GATM: variants seen among roughly 807,000 people sequenced by gnomAD.
GATM encodes the protein glycine amidinotransferase, mitochondrial.
A neutral mutation model predicts 54.2 loss-of-function variants in GATM; 23 were observed. The observed-to-expected ratio is 0.42, with a 90% confidence interval of 0.31 to 0.60. The LOEUF is 0.60. GATM is among the 20% of genes least tolerant of loss of function. The pLI is 0.14. For missense variants in GATM, 401 were observed against 544.9 expected (o/e 0.74, Z 2.63); for synonymous variants, 168 against 183.1 (o/e 0.92, Z 0.67).
In GATM at chr15:45,368,322, C is replaced by CT; in HGVS notation, c.485-63dup. ...TGTTAATTTCCAAGACAAAAAAGGT[C>CT]TATATAGGGCCAGGCACAGTGGCTC... On this transcript the variant is annotated intron_variant, in intron 3 of 8. Transcript: ENST00000396659. This position sits in a 1 kb window ranked among gnomAD's most constrained non-coding sequence, Gnocchi z 5.1. The CT allele has an allele frequency of 6.9e-7, 1 of 1,447,064 alleles. No individual in the cohort carries two copies. Among genetic ancestry groups the CT allele is most frequent in the East Asian group, 2.3e-5 (1 of 43,688 alleles). 89.6% of individuals were successfully genotyped at this position (1,447,064 alleles called of 1,614,324 possible).
intron 1 of GATM, 198 bp from the exon 2 acceptor site, chr15:45,377,017 C>CA (rs1889649896): frequency 4.8e-6 from 3 of 624,684 alleles, no homozygotes; most frequent in Non-Finnish European, 8.6e-6. Flanking sequence ...TGTTTATCTA[C>CA]AAATTGTCTT....
At chr15:45,392,940 C>T (rs1346907120) in intron 3 of GATM, among the ~76,000 whole-genome samples, 1 of 152,154 alleles carries the variant, frequency 6.6e-6, no homozygotes, top group Admixed American at 6.5e-5. Flanking sequence ...ATAGAACAAT[C>T]TCTAGCCAAG....
At chr15:45,389,493 A>C (rs1296928699) in intron 3 of GATM, among the ~76,000 whole-genome samples, 2 of 152,116 alleles carry the variant, frequency 1.3e-5, no homozygotes, top group East Asian at 3.9e-4. Flanking sequence ...GCCCAGGCTG[A>C]AGTGCAGTGG....
chr15:45,377,501 G>A (rs900644609), intron 1 of GATM: 9 of 331,716 alleles, frequency 2.7e-5, no homozygotes, highest in Non-Finnish European at 5.3e-5. Context: ...CAAATAAGAA[G>A]GAGATCTAAA....
Position 45,362,148 on chromosome 15 carries a change from A to T in GATM, c.1233T>A (p.Asp411Glu), listed in dbSNP as rs1213577036. Residue 411 changes from aspartate to glutamate, a missense_variant, in exon 9 of 9, where the codon GAT (aspartate) becomes GAA (glutamate). Physicochemically the swap from Asp to Glu is conservative, Grantham distance 45 (BLOSUM62 2). Transcript: ENST00000396659. ...LGGGFHCWTC[D>E]VRRRGTLQSY... ...ACTGTAAGGTGCCTCGGCGCCGGAC[A>T]TCGCAGGTCCAGCAATGGAAGCCTC... 6.2e-7 allele frequency: 1 copy of T among 1,613,864 alleles called. No homozygotes were observed. The highest frequency in any genetic ancestry group is 8.5e-7 in the Non-Finnish European group (1 of 1,179,858).
rs1049508 is a variant in GATM at position 45,361,394 on chromosome 15, A to G, written c.*715T>C. 69,916 of 151,928 alleles carry G rather than the reference A, an allele frequency of 0.46. 20,335 individuals carry two copies. The highest frequency in any genetic ancestry group is 0.84 in the East Asian group (4,316 of 5,166). The allele number at this position is 151,928 out of a possible 1,614,324, so 9.4% of individuals were successfully genotyped here. A position where few individuals can be genotyped will look rare whatever the true frequency, so the allele number is the denominator to read the frequency against. ...CATTCCTAAATTTTTGGAAAGAGAG[A>G]AAAAGATTAAAATAATTCACTTGAA... On this transcript the variant is annotated 3_prime_UTR_variant, in exon 9 of 9. Coordinates refer to ENST00000396659, the MANE Select transcript of GATM (RefSeq NM_001482.3).
chr15:45,374,137 T>G (rs553931900), intron 2 of GATM, among the ~76,000 whole-genome samples: 56 of 152,336 alleles, frequency 3.7e-4, no homozygotes, highest in African/African-American at 1.3e-3. Flanking sequence ...CATTTTACTG[T>G]GGCCCAGAAA....
chr15:45,397,648 T>C (rs1889949175), intron 2 of GATM, among the ~76,000 whole-genome samples: 1 of 152,178 alleles, frequency 6.6e-6, no homozygotes, highest in African/African-American at 2.4e-5. Flanking sequence ...ATGTAAGTAA[T>C]GTGTTTTCCT....
At chr15:45,397,421 C>G (rs570154312) in intron 2 of GATM, 1 of 152,080 alleles carries the variant, frequency 6.6e-6, no homozygotes, top group African/African-American at 2.4e-5. Context: ...AATAATTGAT[C>G]ATGCCTACGT....
chr15:45,368,343 G>T lies in GATM; in HGVS notation c.485-83C>A. ...AGGTCTATATAGGGCCAGGCACAGT[G>T]GCTCATGCCTGTAATCCCACCACTT... On this transcript the variant is annotated intron_variant, in intron 3 of 8. Coordinates refer to ENST00000396659, the MANE Select transcript of GATM (RefSeq NM_001482.3). The surrounding 1 kb of genome is among the most constrained non-coding windows in gnomAD (Gnocchi z 5.1). The T allele has an allele frequency of 8.4e-7, 1 of 1,191,826 alleles. No homozygotes were observed. The highest frequency in any genetic ancestry group is 1.2e-6 in the Non-Finnish European group (1 of 815,992). The allele number at this position is 1,191,826 out of a possible 1,614,324, so 73.8% of individuals were successfully genotyped here.
At chr15:45,378,597 C>T (rs983176478), upstream of GATM, 6 of 553,532 alleles carry the variant, frequency 1.1e-5, no homozygotes, top group East Asian at 1.5e-4. Context: ...GCCCCGGCCG[C>T]CCCCCGCGGC....
chr15:45,390,123 A>G (rs1221977604), intron 3 of GATM, among the ~76,000 whole-genome samples: 2 of 152,164 alleles, frequency 1.3e-5, no homozygotes, highest in Non-Finnish European at 2.9e-5. Context: ...AAGTGCTGGG[A>G]TTACAGGCAT....
At position 45,378,375 on chromosome 15, in the gene GATM, G is replaced by A; in HGVS notation, c.69+10C>T. The A allele has an allele frequency of 6.6e-7, 1 of 1,517,030 alleles. No individual in the cohort carries two copies. Among genetic ancestry groups the A allele is most frequent in the Admixed American group, 2.0e-5 (1 of 49,486 alleles). The allele number at this position is 1,517,030 out of a possible 1,614,324, so 94.0% of individuals were successfully genotyped here. On this transcript the variant is annotated intron_variant, in intron 1 of 8. Transcript: ENST00000396659. Reference sequence around the variant, plus strand: ...ACGCGGCCGCCAGACGAGGCCGGTGGCGCACGCACCCGAGATCCGATGTAG... The same window carrying A: ...ACGCGGCCGCCAGACGAGGCCGGTGACGCACGCACCCGAGATCCGATGTAG...
intron 4 of GATM, among the ~76,000 whole-genome samples, chr15:45,367,546 G>A (rs1252367077): frequency 1.3e-5 from 2 of 152,102 alleles, no homozygotes; most frequent in Non-Finnish European, 2.9e-5. Flanking sequence ...ATTTATTTCT[G>A]TCTTTAAACC....
chr15:45,366,349 T>C (rs1889448372), intron 5 of GATM, 22 bp downstream of exon 5: 1 of 1,614,024 alleles, frequency 6.2e-7, no homozygotes, highest in Non-Finnish European at 8.5e-7. Flanking sequence ...AGTGTGAAAT[T>C]TCAGAGGCAG....
intron 1 of GATM, among the ~76,000 whole-genome samples, chr15:45,400,309 T>C (rs1566847694): frequency 6.6e-6 from 1 of 152,234 alleles, no homozygotes; most frequent in Non-Finnish European, 1.5e-5. Context: ...GATGTTCAGA[T>C]GGCTGAAATC....
At chr15:45,363,008 C>T (rs1177400582) in intron 8 of GATM, among the ~76,000 whole-genome samples, 1 of 152,144 alleles carries the variant, frequency 6.6e-6, no homozygotes, top group African/African-American at 2.4e-5. Flanking sequence ...CCTAGTCGCG[C>T]ATGGTAGCTC....
chr15:45,385,905 G>C (rs940913765), intron 3 of GATM, among the ~76,000 whole-genome samples: 1 of 152,186 alleles, frequency 6.6e-6, no homozygotes, highest in African/African-American at 2.4e-5. Context: ...TCCCTAGCCA[G>C]ATTGTCTTTG....
intron 1 of GATM, 128 bp downstream of exon 1, chr15:45,378,257 C>A (rs2140660379): frequency 1.5e-6 from 1 of 682,808 alleles, no homozygotes; most frequent in Non-Finnish European, 2.4e-6. Flanking sequence ...GGGACACTCT[C>A]GTGCAATTCC....
Sources: gnomAD v4.1 joint callset for allele counts (sites outside exome capture counted in the v4.1 genomes callset) on GRCh38, gnomAD v4.1.1 for gene constraint, Gnocchi (gnomAD v3.1) non-coding constraint, MANE v1.5 for transcripts, NCBI Gene and HGNC (gene_info 2026-07-23, HGNC 2026-07-21) for gene names.